The following PFDN5 variants were observed in gnomAD, a reference collection of about 807,000 sequenced individuals.
PFDN5 encodes the protein prefoldin subunit 5, also known as c-myc binding protein.
In PFDN5, 13 loss-of-function variants were observed where a neutral mutation model predicts 21.5. That is an observed-to-expected ratio of 0.60 (90% CI 0.39 to 0.96). The LOEUF (loss-of-function observed/expected upper bound fraction) is 0.96, where lower values mean the gene tolerates loss of function less well. Among genes scored for constraint, PFDN5 ranks in the 40% least tolerant of loss-of-function variants. The probability of loss-of-function intolerance (pLI) is 0.00; values close to 1 mark genes in which losing one functional copy is unlikely to be tolerated. For missense variants in PFDN5, 188 were observed against 186.2 expected (o/e 1.01, Z -0.06); for synonymous variants, 84 against 68.9 (o/e 1.22, Z -1.08).
rs1238790905 is a variant in PFDN5, at chr12:53,299,397, G to C, written c.*52G>C. 4.4e-6 allele frequency: 5 copies of C among 1,141,744 alleles called. No individual in the cohort carries two copies. In the Admixed American group the frequency reaches 9.1e-5, roughly 21 times the overall value. 70.7% of individuals were successfully genotyped at this position (1,141,744 alleles called of 1,614,324 possible). ...GACACCCTTTGGGCGTGGCTTCCTGGTGATGGGAAGGGTCTTGTGTTTTAA... is the reference window on the plus strand; with the variant it reads ...GACACCCTTTGGGCGTGGCTTCCTGCTGATGGGAAGGGTCTTGTGTTTTAA... On this transcript the variant is annotated 3_prime_UTR_variant, in exon 6 of 6. Coordinates refer to ENST00000334478, the MANE Select transcript of PFDN5 (RefSeq NM_002624.4).
Position 53,298,116 on chromosome 12 carries a change from A to G in PFDN5, c.354A>G (p.Gln118=), listed in dbSNP as rs756246919. The change falls in exon 5 of 6, where the codon CAA becomes CAG. Residue 118 remains glutamine, a synonymous_variant. Transcript: ENST00000334478. ...DFLTKQMEKI[Q]PALQEKHAMK... is the part of the protein sequence containing the mutation. ...TAACCAAGCAGATGGAGAAAATCCA[A>G]CCAGCTCTTCAGGAGAAGCACGCCA... The G allele has an allele frequency of 2.5e-6, 4 of 1,613,560 alleles. No homozygotes were observed. The highest frequency in any genetic ancestry group is 2.5e-6 in the Non-Finnish European group (3 of 1,179,418).
chr12:53,296,231 A>C lies in PFDN5; in HGVS notation c.176-13A>C. ...TAACCTTCCCCAGGTGTTTGTCTTC[A>C]TTGCTTTCACAGGGAAAGAATTACT... On this transcript the variant is annotated splice_polypyrimidine_tract_variant and intron_variant, in intron 2 of 5. Coordinates refer to ENST00000334478, the MANE Select transcript of PFDN5 (RefSeq NM_002624.4). The C allele has an allele frequency of 6.2e-7, 1 of 1,609,268 alleles. No individual in the cohort carries two copies. Among genetic ancestry groups the C allele is most frequent in the East Asian group, 2.2e-5 (1 of 44,854 alleles).
chr12:53,296,363 A>G lies in PFDN5; in HGVS notation c.207+88A>G, dbSNP rs1304348832. On this transcript the variant is annotated intron_variant, in intron 3 of 5. Transcript: ENST00000334478. ...AGCGGGGAGGGGGATTGTTTTGATT[A>G]CTTCAGATTACCCTCTCCTCACAAT... 28 of 915,376 alleles carry G rather than the reference A, an allele frequency of 3.1e-5. No individual in the cohort carries two copies. In the East Asian group the frequency reaches 7.0e-4, roughly 23 times the overall value. 56.7% of individuals were successfully genotyped at this position (915,376 alleles called of 1,614,324 possible).
chr12:53,298,537 T>G (rs193247622), intron 5 of PFDN5: 42 of 168,134 alleles, frequency 2.5e-4, no homozygotes, highest in Middle Eastern at 3.0e-3. Flanking sequence ...TAAATCAACT[T>G]GGAAGTCAAA....
rs1944181319 is a variant in PFDN5 at position 53,298,318 on chromosome 12, G to T, written c.388+168G>T. The T allele has an allele frequency of 5.4e-6, 3 of 560,344 alleles. No homozygotes were observed. In the Admixed American group the frequency reaches 9.1e-5, roughly 17 times the overall value. 34.7% of individuals were successfully genotyped at this position (560,344 alleles called of 1,614,324 possible). A position where few individuals can be genotyped will look rare whatever the true frequency, so the allele number is the denominator to read the frequency against. ...ATAATCACTATCTGTAGATTCCTGG[G>T]TTGAGCGTTTGAGAAATTTAGAGGA... On this transcript the variant is annotated intron_variant, in intron 5 of 5. Transcript: ENST00000334478.
chr12:53,299,235 G>C (rs368034279), intron 5 of PFDN5, 34 bp from the exon 6 acceptor site: 1 of 1,486,182 alleles, frequency 6.7e-7, no homozygotes, highest in Non-Finnish European at 9.3e-7. Flanking sequence ...TCTCCTTTTT[G>C]CTTCTAACCT....
intron 5 of PFDN5, chr12:53,298,494 T>G (rs1944183546): frequency 1.0e-5 from 2 of 195,374 alleles, no homozygotes; most frequent in Non-Finnish European, 2.2e-5. Context: ...TCAGGAAGTT[T>G]AAAAAGAAAG....
intron 2 of PFDN5, 28 bp from the exon 3 acceptor site, chr12:53,296,216 C>T (rs1303344166): frequency 1.9e-6 from 3 of 1,605,196 alleles, no homozygotes; most frequent in Middle Eastern, 1.7e-4. Context: ...TAACCTTCCC[C>T]AGGTGTTTGT....
chr12:53,299,136 CAAA>C (rs5798261), intron 5 of PFDN5, 130 bp from the exon 6 acceptor site: 534 of 357,492 alleles, frequency 1.5e-3, no homozygotes, highest in East Asian at 2.4e-3. Context: ...GATTCTGTCT[CAAA>C]AAAAAAAAAA....
At chr12:53,297,998 C>A in intron 4 of PFDN5, 47 bp from the exon 5 acceptor site, 1 of 1,556,462 alleles carries the variant, frequency 6.4e-7, no homozygotes, top group South Asian at 1.1e-5. Flanking sequence ...CGCAGCATGG[C>A]CAGAGGGAGT....
Position 53,295,545 on chromosome 12 carries a change from T to C in PFDN5, c.-23T>C, listed in dbSNP as rs952171357. 6 of 1,604,050 alleles carry C rather than the reference T, an allele frequency of 3.7e-6. No individual in the cohort carries two copies. The highest frequency in any genetic ancestry group is 5.1e-6 in the Non-Finnish European group (6 of 1,171,622). On this transcript the variant is annotated 5_prime_UTR_variant, in exon 1 of 6. Transcript: ENST00000334478. ...GCGTTGCTCGCCGAGAGACTTCCTC[T>C]TCGTTAAGTCGGCCTTCCCAACATG...
intron 1 of PFDN5, 47 bp downstream of exon 1, chr12:53,295,686 T>G: frequency 6.6e-7 from 1 of 1,521,390 alleles, no homozygotes; most frequent in Non-Finnish European, 9.1e-7. Flanking sequence ...TACATCCCCC[T>G]TGCCCACGCG....
At chr12:53,299,248 G>T in intron 5 of PFDN5, 21 bp from the exon 6 acceptor site, 1 of 1,576,728 alleles carries the variant, frequency 6.3e-7, no homozygotes, top group South Asian at 1.1e-5. Context: ...TCTAACCTTT[G>T]ACTCTTATTT....
In PFDN5 at chr12:53,295,598, A is replaced by C. The variant is rs1944139226; in HGVS notation, c.31A>C (p.Asn11His). ...GCAGTCTATTAACATCACGGAGCTG[A>C]ATCTGCCGCAGCTAGAAATGCTCAA... MAQSINITELNLPQLEMLKNQ... is the reference protein window; with the variant it reads MAQSINITELHLPQLEMLKNQ... The change falls in exon 1 of 6, where the codon AAT (asparagine) becomes CAT (histidine). Residue 11 changes from asparagine to histidine, a missense_variant. By Grantham distance (68) the Asn-to-His change is moderately conservative (BLOSUM62 1). Coordinates refer to ENST00000334478, the MANE Select transcript of PFDN5 (RefSeq NM_002624.4). 1 of 1,613,934 alleles carries C rather than the reference A, an allele frequency of 6.2e-7. No homozygotes were observed. The highest frequency in any genetic ancestry group is 8.5e-7 in the Non-Finnish European group (1 of 1,179,972).
intron 3 of PFDN5, chr12:53,296,538 A>G (rs559518337): frequency 1.7e-6 from 1 of 583,906 alleles, no homozygotes. Context: ...TCTCCCGAGT[A>G]GCTGGGACTT....
chr12:53,298,386 C>T (rs1944181843), intron 5 of PFDN5: 2 of 437,754 alleles, frequency 4.6e-6, no homozygotes, highest in East Asian at 3.9e-5. Context: ...TATTTAATGA[C>T]GATGGAATGG....
At chr12:53,298,881 A>T (rs781139145) in intron 5 of PFDN5, 4 of 193,464 alleles carry the variant, frequency 2.1e-5, no homozygotes, top group Non-Finnish European at 3.3e-5. Context: ...GACGCCTGTA[A>T]TCCCAGCACT....
Position 53,299,255 on chromosome 12 carries a change from A to AT in PFDN5, c.389-7dup, listed in dbSNP as rs764957922. 5 of 1,599,230 alleles carry AT rather than the reference A, an allele frequency of 3.1e-6. No homozygotes were observed. Among genetic ancestry groups the AT allele is most frequent in the Admixed American group, 3.3e-5 (2 of 59,794 alleles). ...TTTTTGCTTCTAACCTTTGACTCTT[A>AT]TTTTTTTCCACAGCCGTCATGGAAA... On this transcript the variant is annotated splice_polypyrimidine_tract_variant and intron_variant, in intron 5 of 5. Coordinates refer to ENST00000334478, the MANE Select transcript of PFDN5 (RefSeq NM_002624.4).
Position 53,295,624 on chromosome 12 carries a change from G to C in PFDN5, c.57G>C (p.Lys19Asn), listed in dbSNP as rs1044202033. Residue 19 changes from lysine (K) to asparagine (N), a missense_variant, in exon 1 of 6, where the codon AAG (lysine) becomes AAC (asparagine). By Grantham distance (94) the Lys-to-Asn change is moderately conservative (BLOSUM62 0). Coordinates refer to ENST00000334478, the MANE Select transcript of PFDN5 (RefSeq NM_002624.4). The part of the protein sequence containing the change: ...ELNLPQLEML[K>N]NQLDQEVEFL... The stretch of plus-strand genomic sequence containing the variant: ...ATCTGCCGCAGCTAGAAATGCTCAA[G>C]AACCAGCTGGACCAGGTGGGGACGG... The C allele has an allele frequency of 6.2e-7, 1 of 1,613,780 alleles. No homozygotes were observed. Among genetic ancestry groups the C allele is most frequent in the East Asian group, 2.2e-5 (1 of 44,894 alleles).
Sources: gnomAD v4.1 joint callset for allele counts on GRCh38, gnomAD v4.1.1 for gene constraint, MANE v1.5 for transcripts, NCBI Gene and HGNC (gene_info 2026-07-23, HGNC 2026-07-21) for gene names.